Variants in CPEB3 observed in about 807,000 individuals in gnomAD.
The protein encoded by CPEB3 is cytoplasmic polyadenylation element-binding protein 3.
Under a neutral mutation model 67.2 loss-of-function variants are expected in CPEB3, and 20 were observed. That is an observed-to-expected ratio of 0.30 (90% confidence interval 0.21 to 0.43). The LOEUF (loss-of-function observed/expected upper bound fraction) is 0.43. CPEB3 is among the 20% of genes least tolerant of loss of function. The pLI is 1.00. For synonymous variants in CPEB3, 376 were observed against 393.1 expected (o/e 0.96, Z 0.51); for missense variants, 746 against 968.6 (o/e 0.77, Z 3.05).
chr10:92,258,655 TA>T (rs1852644872), intron 1 of CPEB3, among the ~76,000 whole-genome samples: 1 of 116,096 alleles, frequency 8.6e-6, no homozygotes, highest in Non-Finnish European at 1.7e-5. Context: ...TATATATATA[TA>T]TATATATATA....
intron 1 of CPEB3, among the ~76,000 whole-genome samples, chr10:92,289,001 T>C (rs1160059926): frequency 6.6e-6 from 1 of 152,138 alleles, no homozygotes. Flanking sequence ...ATCCCAGCCC[T>C]ATGGGAGGCC....
chr10:92,088,225 A>ATTTTTTTT (rs374452327), intron 8 of CPEB3, among the ~76,000 whole-genome samples: 1 of 126,328 alleles, frequency 7.9e-6, no homozygotes, highest in Non-Finnish European at 1.6e-5. Context: ...TTCCAACCTA[A>ATTTTTTTT]TTTTTTTTTT....
chr10:92,249,842 G>A (rs1410842900), intron 1 of CPEB3, among the ~76,000 whole-genome samples: 1 of 151,336 alleles, frequency 6.6e-6, no homozygotes, highest in Non-Finnish European at 1.5e-5. Flanking sequence ...TCAACATGGT[G>A]AAACCCTGTC....
intron 4 of CPEB3, among the ~76,000 whole-genome samples, chr10:92,166,072 A>G (rs1429213778): frequency 1.3e-5 from 2 of 151,970 alleles, no homozygotes; most frequent in Non-Finnish European, 2.9e-5. Flanking sequence ...AGGAAGCACA[A>G]TCTATGGCAA....
Position 92,240,065 on chromosome 10 carries a change from G to T in CPEB3, c.286C>A (p.Pro96Thr). 1.3e-6 allele frequency: 2 copies of T among 1,591,282 alleles called. No homozygotes were observed. The highest frequency in any genetic ancestry group is 1.1e-5 in the South Asian group (1 of 88,456). Reference sequence around the variant, plus strand: ...GACAGCGACGCGCCCGGTGCCGCGGGCTCCTGAGGCGGCGGCGGCTGCTGA... The same window carrying T: ...GACAGCGACGCGCCCGGTGCCGCGGTCTCCTGAGGCGGCGGCGGCTGCTGA... ...PPQQPPPPQE[P>T]AAPGASLSPS... The change falls in exon 2 of 10, where the codon CCC becomes ACC. Residue 96 changes from proline to threonine, a missense_variant. Pro to Thr is a conservative substitution (Grantham distance 38). Coordinates refer to ENST00000265997, the MANE Select transcript of CPEB3 (RefSeq NM_014912.5).
intron 1 of CPEB3, among the ~76,000 whole-genome samples, chr10:92,272,958 A>T (rs1381819760): frequency 6.6e-6 from 1 of 152,194 alleles, no homozygotes; most frequent in African/African-American, 2.4e-5. Flanking sequence ...GCCAAATATG[A>T]CACTGGTAAG....
intron 2 of CPEB3, among the ~76,000 whole-genome samples, chr10:92,232,841 T>A (rs1851339686): frequency 6.6e-6 from 1 of 152,116 alleles, no homozygotes; most frequent in Admixed American, 6.6e-5. Flanking sequence ...TCAGAGGATA[T>A]CTAAATTACA....
intron 4 of CPEB3, among the ~76,000 whole-genome samples, chr10:92,150,070 G>A (rs932222564): frequency 1.3e-5 from 2 of 152,174 alleles, no homozygotes; most frequent in Non-Finnish European, 2.9e-5. Context: ...AGAACAAAAA[G>A]TCTGCAGAAA....
At chr10:92,276,342 G>A (rs10882044) in intron 1 of CPEB3, among the ~76,000 whole-genome samples, 34,493 of 143,508 alleles carry the variant, frequency 0.24, 4,762 homozygotes, top group Middle Eastern at 0.36. Context: ...GCAATGGCAC[G>A]ATCTCGGGTC....
intron 5 of CPEB3, among the ~76,000 whole-genome samples, chr10:92,143,494 AT>A (rs1846536289): frequency 6.6e-6 from 1 of 152,218 alleles, no homozygotes; most frequent in Non-Finnish European, 1.5e-5. Flanking sequence ...AATATTTAAA[AT>A]ATGGTTTCAC....
chr10:92,225,252 C>A (rs945268834), intron 2 of CPEB3, among the ~76,000 whole-genome samples: 12 of 152,046 alleles, frequency 7.9e-5, no homozygotes, highest in Non-Finnish European at 1.8e-4. Context: ...GGATTACAGG[C>A]GTGAGCCACC....
At chr10:92,117,352 A>C (rs1480439985) in intron 6 of CPEB3, among the ~76,000 whole-genome samples, 5 of 89,230 alleles carry the variant, frequency 5.6e-5, no homozygotes, top group Admixed American at 1.3e-4. Flanking sequence ...TTTTTTGAGA[A>C]GGAGTCTCGC....
At chr10:92,273,608 C>G (rs1182289389) in intron 1 of CPEB3, among the ~76,000 whole-genome samples, 5 of 152,082 alleles carry the variant, frequency 3.3e-5, no homozygotes, top group Non-Finnish European at 7.4e-5. Context: ...TCATCCTACC[C>G]AAGATTTAAA....
At chr10:92,116,143 G>A (rs1845014296) in intron 6 of CPEB3, among the ~76,000 whole-genome samples, 1 of 150,942 alleles carries the variant, frequency 6.6e-6, no homozygotes, top group Non-Finnish European at 1.5e-5. Flanking sequence ...ACAAGGCCCT[G>A]TAGCAGAGTC....
At chr10:92,230,825 T>A (rs1176054062) in intron 2 of CPEB3, among the ~76,000 whole-genome samples, 2 of 152,118 alleles carry the variant, frequency 1.3e-5, no homozygotes, top group Non-Finnish European at 2.9e-5. Context: ...CAGGAAAGCC[T>A]CCTATAAGTT....
chr10:92,255,866 T>C (rs904642757), intron 1 of CPEB3, among the ~76,000 whole-genome samples: 2 of 152,138 alleles, frequency 1.3e-5, no homozygotes, highest in African/African-American at 4.8e-5. Flanking sequence ...TCCCCCAGGG[T>C]TCTCCTAATT....
intron 9 of CPEB3, among the ~76,000 whole-genome samples, chr10:92,066,712 A>G (rs1423130564): frequency 1.3e-5 from 2 of 152,186 alleles, no homozygotes; most frequent in Non-Finnish European, 2.9e-5. Flanking sequence ...TGGTCGCTAA[A>G]GCAGGGCCTC....
intron 4 of CPEB3, among the ~76,000 whole-genome samples, chr10:92,145,635 CA>C (rs35889055): frequency 0.14 from 10,443 of 74,598 alleles, 1,081 homozygotes; most frequent in African/African-American, 0.37. Context: ...AACTCAGTCT[CA>C]AAAAAAAAAA....
chr10:92,120,312 C>T lies in CPEB3; in HGVS notation c.1454-9118G>A, dbSNP rs542986715. 1.2e-3 allele frequency among the ~76,000 whole-genome samples: 177 copies of T among 150,384 alleles called. 2 individuals carry two copies. Among genetic ancestry groups the T allele is most frequent in the African/African-American group, 4.1e-3 (168 of 40,790 alleles). On this transcript the variant is annotated intron_variant, in intron 6 of 9. Transcript: ENST00000265997. ...AAAAACCAAATTGCTAGGCCGGGCA[C>T]GGTGGCTCACACCTGTAATCCCAGC... is the stretch of plus-strand genomic sequence containing the variant.
Sources: allele counts gnomAD v4.1 joint callset (sites outside exome capture counted in the v4.1 genomes callset), GRCh38; gene constraint gnomAD v4.1.1; transcripts MANE v1.5; gene names NCBI Gene and HGNC (gene_info 2026-07-23, HGNC 2026-07-21).